COL13A1: variants seen among roughly 807,000 people sequenced by gnomAD.
The protein encoded by COL13A1 is collagen alpha-1(XIII) chain.
Under a neutral mutation model 130.9 loss-of-function variants are expected in COL13A1, and 89 were observed. That is an observed-to-expected ratio of 0.68 (90% confidence interval 0.57 to 0.81). The LOEUF is 0.81. Among genes scored for constraint, COL13A1 ranks in the 30% least tolerant of loss-of-function variants. The probability of loss-of-function intolerance (pLI) is 0.00; values close to 1 mark genes in which losing one functional copy is unlikely to be tolerated. For missense variants in COL13A1, 879 were observed against 934.6 expected (o/e 0.94, Z 0.78); for synonymous variants, 402 against 341.6 (o/e 1.18, Z -1.95).
chr10:69,879,210 C>T (rs2059901448), intron 6 of COL13A1, among the ~76,000 whole-genome samples: 1 of 152,184 alleles, frequency 6.6e-6, no homozygotes, highest in South Asian at 2.1e-4. Context: ...AAGGCTGGGG[C>T]TCCTAGCTAC....
At chr10:69,816,286 A>G (rs1455419306) in intron 1 of COL13A1, among the ~76,000 whole-genome samples, 1 of 149,762 alleles carries the variant, frequency 6.7e-6, no homozygotes, top group African/African-American at 2.5e-5. Context: ...TGAGAGAAAT[A>G]GACATCAATG....
In COL13A1 at chr10:69,822,558, G is replaced by A. The variant is rs904699904; in HGVS notation, c.364+120G>A. The A allele has an allele frequency of 8.2e-6, 6 of 733,458 alleles. No individual in the cohort carries two copies. The Admixed American group carries it at 1.6e-4, about 20-fold the overall frequency. 45.4% of individuals were successfully genotyped at this position (733,458 alleles called of 1,614,324 possible). A position where few individuals can be genotyped will look rare whatever the true frequency, so the allele number is the denominator to read the frequency against. On this transcript the variant is annotated intron_variant, in intron 2 of 40. Coordinates refer to ENST00000645393, the MANE Select transcript of COL13A1 (RefSeq NM_001368882.1). ...GCCGTCACTTTTCATTTGAAAGACA[G>A]GAGTGACAATATCTGTGGTTGCCTT...
chr10:69,870,670 C>T (rs768202069), intron 3 of COL13A1, among the ~76,000 whole-genome samples: 3 of 151,784 alleles, frequency 2.0e-5, no homozygotes, highest in Non-Finnish European at 2.9e-5. Context: ...TTATTTCTAC[C>T]CCATCTCATT....
intron 25 of COL13A1, among the ~76,000 whole-genome samples, chr10:69,925,582 G>A (rs2065236652): frequency 6.6e-6 from 1 of 152,174 alleles, no homozygotes; most frequent in Non-Finnish European, 1.5e-5. Flanking sequence ...ATCTTCCCAG[G>A]TCGGCCTAGC....
chr10:69,929,970 C>A, intron 28 of COL13A1, 73 bp from the exon 29 acceptor site: 1 of 1,249,672 alleles, frequency 8.0e-7, no homozygotes, highest in Non-Finnish European at 1.2e-6. Context: ...ATGCCGGGTG[C>A]ACTAAGCAAT....
At chr10:69,943,643 T>G (rs1589688391) in intron 35 of COL13A1, among the ~76,000 whole-genome samples, 1 of 152,092 alleles carries the variant, frequency 6.6e-6, no homozygotes, top group Non-Finnish European at 1.5e-5. Context: ...GGGCTGTGGG[T>G]CTGCGGTGGG....
chr10:69,877,739 ACACACACGT>A, intron 5 of COL13A1: 1 of 375,246 alleles, frequency 2.7e-6, no homozygotes, highest in Non-Finnish European at 4.9e-6. Flanking sequence ...ACACACACAC[ACACACACGT>A]ACGTGCCTCA....
At chr10:69,927,002 C>T in intron 26 of COL13A1, 85 bp from the exon 27 acceptor site, 1 of 1,595,832 alleles carries the variant, frequency 6.3e-7, no homozygotes, top group African/African-American at 1.3e-5. Context: ...GGCCTAGCTC[C>T]CATGTTTCCA....
At chr10:69,875,507 C>A (rs563123565) in intron 5 of COL13A1, among the ~76,000 whole-genome samples, 1 of 152,214 alleles carries the variant, frequency 6.6e-6, no homozygotes, top group Non-Finnish European at 1.5e-5. Context: ...CTCCGCCCCC[C>A]AAAGCTGGCA....
At chr10:69,943,045 G>A (rs2067887793) in intron 35 of COL13A1, among the ~76,000 whole-genome samples, 1 of 152,134 alleles carries the variant, frequency 6.6e-6, no homozygotes, top group Non-Finnish European at 1.5e-5. Flanking sequence ...TTGGGGTTTC[G>A]CCATGTTGGC....
At chr10:69,944,085 G>T in intron 35 of COL13A1, 40 bp from the exon 36 acceptor site, 1 of 1,573,056 alleles carries the variant, frequency 6.4e-7, no homozygotes, top group African/African-American at 1.3e-5. Flanking sequence ...GCTCCCCAGA[G>T]TGTGGGGACC....
chr10:69,927,716 C>T (rs187477618), intron 27 of COL13A1, among the ~76,000 whole-genome samples: 6 of 152,272 alleles, frequency 3.9e-5, no homozygotes, highest in Non-Finnish European at 8.8e-5. Flanking sequence ...TTTCAATTCA[C>T]CTAATATTTT....
At chr10:69,926,218 T>C (rs983887755) in intron 26 of COL13A1, among the ~76,000 whole-genome samples, 7 of 152,240 alleles carry the variant, frequency 4.6e-5, no homozygotes, top group African/African-American at 1.7e-4. Flanking sequence ...CTTTAATGCA[T>C]GTATAACCCC....
At chr10:69,949,763 A>C (rs904845945) in intron 38 of COL13A1, among the ~76,000 whole-genome samples, 1 of 152,166 alleles carries the variant, frequency 6.6e-6, no homozygotes, top group African/African-American at 2.4e-5. Flanking sequence ...AATCAGTCAA[A>C]AGATAAAGGG....
intron 2 of COL13A1, among the ~76,000 whole-genome samples, chr10:69,852,087 C>A (rs570168449): frequency 6.6e-6 from 1 of 152,168 alleles, no homozygotes; most frequent in Non-Finnish European, 1.5e-5. Flanking sequence ...TGTGCAGTGA[C>A]CATCCCTTGG....
At chr10:69,878,167 G>C in intron 6 of COL13A1, 102 bp downstream of exon 6, 1 of 686,272 alleles carries the variant, frequency 1.5e-6, no homozygotes, top group Non-Finnish European at 2.7e-6. Flanking sequence ...AGCCGCAGCA[G>C]AGGGTGCTGG....
At chr10:69,894,293 C>T (rs139105542) in intron 10 of COL13A1, among the ~76,000 whole-genome samples, 32 of 152,330 alleles carry the variant, frequency 2.1e-4, no homozygotes, top group African/African-American at 7.5e-4. Flanking sequence ...CCATAGCTGG[C>T]CCATGAGATG....
At chr10:69,845,229 G>C (rs933726420) in intron 2 of COL13A1, among the ~76,000 whole-genome samples, 1 of 139,372 alleles carries the variant, frequency 7.2e-6, no homozygotes, top group Non-Finnish European at 1.5e-5. Context: ...GTCTTACTCT[G>C]TCACCCAGGC....
In COL13A1 at chr10:69,936,112, GGAAGGAAGGAAGGAAAGA is replaced by G. The variant is rs1324898478; in HGVS notation, c.1771-643_1771-626del. ...GGGAAGGAGGGAAGGGAGGAAGGAA[GGAAGGAAGGAAGGAAAGA>G]AGGAAGGAAGGAAGGAAGGAAGGAA... On this transcript the variant is annotated intron_variant, in intron 32 of 40. Transcript: ENST00000645393. Among the ~76,000 whole-genome samples, 270 of 57,286 alleles carry G rather than the reference GGAAGGAAGGAAGGAAAGA, an allele frequency of 4.7e-3. 2 individuals are homozygous for G. The highest frequency in any genetic ancestry group is 6.8e-3 in the Non-Finnish European group (200 of 29,574). The allele number at this position is 57,286 out of a possible 152,430, so 37.6% of individuals were successfully genotyped here.
Sources: gnomAD v4.1 joint callset for allele counts (sites outside exome capture counted in the v4.1 genomes callset) on GRCh38, gnomAD v4.1.1 for gene constraint, MANE v1.5 for transcripts, NCBI Gene and HGNC (gene_info 2026-07-23, HGNC 2026-07-21) for gene names.